The following TCF20 variants were observed in gnomAD, a reference collection of about 807,000 sequenced individuals.
TCF20 encodes the protein transcription factor 20.
A neutral mutation model predicts 148.6 loss-of-function variants in TCF20; 3 were observed. That is an observed-to-expected ratio of 0.02 (90% CI 0.01 to 0.05). The LOEUF is 0.05. Ranked by LOEUF, TCF20 falls within the 10% of genes least tolerant of loss-of-function variation. The pLI is 1.00. For missense variants in TCF20, 2,350 were observed against 2,429.3 expected (o/e 0.97, Z 0.69); for synonymous variants, 1,049 against 909.5 (o/e 1.15, Z -2.76).
intron 2 of TCF20, among the ~76,000 whole-genome samples, chr22:42,199,285 TTTC>T (rs1476164744): frequency 2.6e-5 from 4 of 152,170 alleles, no homozygotes; most frequent in Admixed American, 2.6e-4. Flanking sequence ...CAATTTTTCT[TTTC>T]TTCTGCCTTT....
intron 2 of TCF20, among the ~76,000 whole-genome samples, chr22:42,200,774 C>CCT (rs1344699001): frequency 6.6e-6 from 1 of 152,160 alleles, no homozygotes; most frequent in African/African-American, 2.4e-5. Context: ...AATCCCACAG[C>CCT]CTCTCGAATG....
intron 1 of TCF20, among the ~76,000 whole-genome samples, chr22:42,332,854 G>A (rs1906912345): frequency 6.6e-6 from 1 of 152,236 alleles, no homozygotes; most frequent in Non-Finnish European, 1.5e-5. Flanking sequence ...TCTATAAAGT[G>A]CAGAGATGGA....
intron 1 of TCF20, among the ~76,000 whole-genome samples, chr22:42,220,248 C>T (rs927713122): frequency 8.5e-5 from 13 of 152,138 alleles, no homozygotes; most frequent in South Asian, 2.1e-4. Flanking sequence ...AGGCTCACTG[C>T]GGCCTCAACT....
At chr22:42,163,400 A>T (rs1935583098) in intron 5 of TCF20, among the ~76,000 whole-genome samples, 2 of 152,242 alleles carry the variant, frequency 1.3e-5, no homozygotes, top group Admixed American at 1.3e-4. Flanking sequence ...AACACACGAT[A>T]TCCTGAATGT....
At chr22:42,251,625 C>T (rs1465020217) in intron 1 of TCF20, among the ~76,000 whole-genome samples, 1 of 145,714 alleles carries the variant, frequency 6.9e-6, no homozygotes, top group Non-Finnish European at 1.5e-5. Context: ...GCCTCAGCAT[C>T]CCGAGTAGCG....
chr22:42,312,441 G>A (rs770773237), intron 1 of TCF20, among the ~76,000 whole-genome samples: 1 of 152,138 alleles, frequency 6.6e-6, no homozygotes, highest in South Asian at 2.1e-4. Context: ...AGGCCAGGTG[G>A]GGCCCCAGGC....
chr22:42,166,604 G>A (rs528789826), intron 5 of TCF20, among the ~76,000 whole-genome samples: 385 of 138,674 alleles, frequency 2.8e-3, no homozygotes, highest in Admixed American at 4.5e-3. Context: ...GTGAGAATCC[G>A]TCTCCAAAAA....
intron 1 of TCF20, among the ~76,000 whole-genome samples, chr22:42,219,352 T>A (rs1922118380): frequency 4.6e-5 from 1 of 21,720 alleles, no homozygotes; most frequent in African/African-American, 3.8e-4. Flanking sequence ...AGTAACCCTG[T>A]CTCAAAAAAA....
intron 1 of TCF20, among the ~76,000 whole-genome samples, chr22:42,310,532 C>T (rs1279067887): frequency 1.3e-5 from 2 of 152,108 alleles, no homozygotes; most frequent in Non-Finnish European, 2.9e-5. Flanking sequence ...AGTGTTTCAG[C>T]CAGGCTAGAC....
At chr22:42,236,909 G>A (rs1005536862) in intron 1 of TCF20, among the ~76,000 whole-genome samples, 5 of 152,076 alleles carry the variant, frequency 3.3e-5, no homozygotes, top group Non-Finnish European at 5.9e-5. Context: ...ATACTTTATC[G>A]TTAAAAAATG....
chr22:42,239,293 A>G (rs1924175939), intron 1 of TCF20, among the ~76,000 whole-genome samples: 1 of 151,298 alleles, frequency 6.6e-6, no homozygotes, highest in Non-Finnish European at 1.5e-5. Context: ...CCTAGCCAAT[A>G]CGGAGAAACC....
At chr22:42,195,291 C>T (rs1220270422) in intron 2 of TCF20, among the ~76,000 whole-genome samples, 1 of 151,450 alleles carries the variant, frequency 6.6e-6, no homozygotes, top group Non-Finnish European at 1.5e-5. Flanking sequence ...GAAGGCAAAA[C>T]CTGTTCCTCT....
At chr22:42,318,361 A>G (rs1193536601) in intron 1 of TCF20, among the ~76,000 whole-genome samples, 1 of 152,102 alleles carries the variant, frequency 6.6e-6, no homozygotes, top group Non-Finnish European at 1.5e-5. Context: ...TAGGGCGTAC[A>G]GGGAACAATT....
At chr22:42,196,027 C>G (rs1197563481) in intron 2 of TCF20, among the ~76,000 whole-genome samples, 1 of 152,184 alleles carries the variant, frequency 6.6e-6, no homozygotes, top group African/African-American at 2.4e-5. Flanking sequence ...GGTAGTCACC[C>G]CAAGAGCAGC....
At chr22:42,341,060 G>T (rs1036944601) in intron 1 of TCF20, among the ~76,000 whole-genome samples, 1 of 152,158 alleles carries the variant, frequency 6.6e-6, no homozygotes, top group East Asian at 1.9e-4. Context: ...CAAAGCGCGC[G>T]CCGGCTGCCA....
At chr22:42,164,056 C>T (rs1057189150) in intron 5 of TCF20, among the ~76,000 whole-genome samples, 8 of 152,110 alleles carry the variant, frequency 5.3e-5, no homozygotes, top group African/African-American at 1.7e-4. Context: ...GGCCAGGATT[C>T]GCCCAGAGCC....
At chr22:42,225,430 A>C (rs1001340453) in intron 1 of TCF20, among the ~76,000 whole-genome samples, 1 of 150,894 alleles carries the variant, frequency 6.6e-6, no homozygotes, top group African/African-American at 2.4e-5. Context: ...CTGGCTAACA[A>C]GGTGAAACCC....
At position 42,199,354 on chromosome 22, in the gene TCF20, C is replaced by A. The variant is rs527669210; in HGVS notation, c.5655+10297G>T. ...GAGCGACGATTCCCACTTCAGAGCC[C>A]ATTTCACCATAGAGTCATGTGGTAG... On this transcript the variant is annotated intron_variant, in intron 2 of 5. Coordinates refer to ENST00000677622, the MANE Select transcript of TCF20 (RefSeq NM_001378418.1). 5.3e-5 allele frequency among the ~76,000 whole-genome samples: 8 copies of A among 152,196 alleles called. No homozygotes were observed. The South Asian group carries it at 1.7e-3, about 32-fold the overall frequency.
rs1439799540 is a variant in TCF20 at position 42,210,807 on chromosome 22, A to G, written c.4499T>C (p.Val1500Ala). 1.2e-6 allele frequency: 2 copies of G among 1,614,036 alleles called. No individual in the cohort carries two copies. The highest frequency in any genetic ancestry group is 2.2e-5 in the South Asian group (2 of 91,088). Residue 1500 changes from valine (V) to alanine (A), a missense_variant, in exon 2 of 6, where the codon GTG (valine) becomes GCG (alanine). Val to Ala is a moderately conservative substitution (Grantham distance 64). This residue lies in a region of TCF20 where 231 missense variants were observed against 213.7 expected (regional missense o/e 1.08). Transcript: ENST00000677622. The surrounding 1 kb of genome is among the most constrained non-coding windows in gnomAD (Gnocchi z 4.7). ...GTTTGCCTCAGGGGCCAATATGCCC[A>G]CTGGAGGTACATTCTTTGAGTCTGG... ...IFPDSKNVPPVGILAPEANPK... is the reference protein window; with the variant it reads ...IFPDSKNVPPAGILAPEANPK...
Sources: gnomAD v4.1 joint callset for allele counts (sites outside exome capture counted in the v4.1 genomes callset) on GRCh38, gnomAD v4.1.1 for gene constraint, gnomAD v4.1.1 regional missense constraint, Gnocchi (gnomAD v3.1) non-coding constraint, MANE v1.5 for transcripts, NCBI Gene and HGNC (gene_info 2026-07-23, HGNC 2026-07-21) for gene names.